The following WDFY4 variants were observed in gnomAD, a reference collection of about 807,000 sequenced individuals.
The protein encoded by WDFY4 is WD repeat- and FYVE domain-containing protein 4.
A neutral mutation model predicts 351.9 loss-of-function variants in WDFY4; 169 were observed. The observed-to-expected ratio is 0.48, with a 90% CI of 0.42 to 0.55. The LOEUF is 0.55. WDFY4 is among the 20% of genes least tolerant of loss of function. The probability of loss-of-function intolerance (pLI) is 0.00; values close to 1 mark genes in which losing one functional copy is unlikely to be tolerated. For missense variants in WDFY4, 3,803 were observed against 3,935.6 expected, an observed-to-expected ratio of 0.97 and a Z score of 0.90; for synonymous variants, 1,622 against 1,574.6, an observed-to-expected ratio of 1.03 and a Z score of -0.71.
intron 34 of WDFY4, among the ~76,000 whole-genome samples, chr10:48,821,656 T>C (rs561127154): frequency 1.7e-3 from 265 of 152,316 alleles, no homozygotes; most frequent in African/African-American, 5.6e-3. Context: ...AGCTGTACCT[T>C]TTCAACAAGC....
chr10:48,737,413 C>T (rs933816270), intron 11 of WDFY4, among the ~76,000 whole-genome samples: 2 of 152,188 alleles, frequency 1.3e-5, no homozygotes, highest in Non-Finnish European at 2.9e-5. Flanking sequence ...ATCAACCTAA[C>T]TTACTTAAGC....
chr10:48,936,458 C>T (rs1840365938), intron 47 of WDFY4, among the ~76,000 whole-genome samples: 1 of 151,874 alleles, frequency 6.6e-6, no homozygotes, highest in South Asian at 2.1e-4. Context: ...TCATAAAGCA[C>T]ATAAAAATAA....
chr10:48,894,847 G>A (rs182576435), intron 44 of WDFY4, among the ~76,000 whole-genome samples: 1 of 152,364 alleles, frequency 6.6e-6, no homozygotes, highest in African/African-American at 2.4e-5. Context: ...AGGTAGGAAG[G>A]AGAATTGTCT....
chr10:48,693,000 A>G (rs908728776), intron 1 of WDFY4, among the ~76,000 whole-genome samples: 2 of 152,116 alleles, frequency 1.3e-5, no homozygotes, highest in African/African-American at 4.8e-5. Context: ...GGAAGGTGGC[A>G]TGTTTGGACC....
intron 47 of WDFY4, among the ~76,000 whole-genome samples, chr10:48,908,440 C>T (rs986980128): frequency 2.6e-5 from 4 of 152,180 alleles, no homozygotes; most frequent in African/African-American, 9.7e-5. Flanking sequence ...AGATCAACAA[C>T]GGGAAATTTT....
chr10:48,879,087 A>G (rs1299539635), intron 43 of WDFY4, among the ~76,000 whole-genome samples: 3 of 152,254 alleles, frequency 2.0e-5, no homozygotes, highest in Non-Finnish European at 4.4e-5. Flanking sequence ...TAATATGCTC[A>G]TATAGGTAAG....
At chr10:48,958,657 G>A (rs984275779) in intron 52 of WDFY4, among the ~76,000 whole-genome samples, 1 of 152,170 alleles carries the variant, frequency 6.6e-6, no homozygotes, top group Non-Finnish European at 1.5e-5. Flanking sequence ...GGCATGTCCT[G>A]AAGATGTTTA....
At chr10:48,687,888 T>C (rs2063095925) in intron 1 of WDFY4, among the ~76,000 whole-genome samples, 2 of 152,084 alleles carry the variant, frequency 1.3e-5, no homozygotes, top group African/African-American at 4.8e-5. Context: ...TTCAAGCGAT[T>C]CCTCTGCCTC....
intron 39 of WDFY4, among the ~76,000 whole-genome samples, chr10:48,853,098 A>T (rs918942062): frequency 6.6e-6 from 1 of 151,942 alleles, no homozygotes; most frequent in Admixed American, 6.6e-5. Context: ...GGTTTTCATG[A>T]TTTTCCCCAA....
intron 28 of WDFY4, among the ~76,000 whole-genome samples, chr10:48,809,275 CACA>C (rs1184687449): frequency 6.6e-6 from 1 of 151,556 alleles, no homozygotes; most frequent in Non-Finnish European, 1.5e-5. Flanking sequence ...CCATCATCAC[CACA>C]ACATTAATCG....
chr10:48,816,919 A>T (rs1157128483), intron 31 of WDFY4, among the ~76,000 whole-genome samples: 1 of 152,224 alleles, frequency 6.6e-6, no homozygotes, highest in Non-Finnish European at 1.5e-5. Flanking sequence ...GGAAAGCATC[A>T]TCTACCCAAT....
At chr10:48,823,136 A>G in intron 35 of WDFY4, 3 of 1,302,328 alleles carry the variant, frequency 2.3e-6, no homozygotes, top group South Asian at 1.2e-5. Flanking sequence ...AGAGAATCGT[A>G]CAATCTCAAA....
rs907241794 is a variant in WDFY4 at position 48,766,208 on chromosome 10, C to T, written c.2553+5768C>T. On this transcript the variant is annotated intron_variant, in intron 13 of 61. Transcript: ENST00000325239. ...TTTCCTATGCTCTTTCCCACTGAGC[C>T]CCTTACACAAAGTATTTCTGTTATT... Among the ~76,000 whole-genome samples, 17 of 152,274 alleles carry T rather than the reference C, an allele frequency of 1.1e-4. 1 individual carries two copies. The South Asian group carries it at 3.5e-3, about 32-fold the overall frequency.
intron 11 of WDFY4, among the ~76,000 whole-genome samples, chr10:48,741,410 G>A (rs80239253): frequency 0.097 from 11,854 of 122,336 alleles, 623 homozygotes; most frequent in East Asian, 0.29. Context: ...CCAAGATCTC[G>A]CCACTACACT....
intron 44 of WDFY4, among the ~76,000 whole-genome samples, chr10:48,893,646 G>T (rs866462362): frequency 2.0e-5 from 3 of 152,198 alleles, no homozygotes; most frequent in Non-Finnish European, 4.4e-5. Context: ...GGACTAAATC[G>T]GGTAGAGAGT....
chr10:48,758,924 G>A (rs1435850481), intron 12 of WDFY4, among the ~76,000 whole-genome samples: 2 of 152,170 alleles, frequency 1.3e-5, no homozygotes, highest in Non-Finnish European at 2.9e-5. Flanking sequence ...ATGAGATGTT[G>A]AGACTTCCCT....
chr10:48,778,522 C>G, intron 17 of WDFY4, 89 bp from the exon 18 acceptor site: 1 of 1,331,384 alleles, frequency 7.5e-7, no homozygotes, highest in Non-Finnish European at 1.0e-6. Flanking sequence ...GGTGCTGCAC[C>G]TGGGCTAAAT....
intron 43 of WDFY4, among the ~76,000 whole-genome samples, chr10:48,886,209 CT>C (rs2070450014): frequency 6.6e-6 from 1 of 152,210 alleles, no homozygotes; most frequent in South Asian, 2.1e-4. Context: ...AAGTTGCAGA[CT>C]GCTAATGCTA....
At chr10:48,738,766 C>G (rs554358894) in intron 11 of WDFY4, among the ~76,000 whole-genome samples, 1 of 152,358 alleles carries the variant, frequency 6.6e-6, no homozygotes, top group South Asian at 2.1e-4. Context: ...AGAGCCAACT[C>G]TGCCCATAGG....
Sources: allele counts gnomAD v4.1 joint callset (sites outside exome capture counted in the v4.1 genomes callset), GRCh38; gene constraint gnomAD v4.1.1; transcripts MANE v1.5; gene names NCBI Gene and HGNC (gene_info 2026-07-23, HGNC 2026-07-21).